The following SLC24A2 variants were observed in gnomAD, a reference collection of about 807,000 sequenced individuals.
SLC24A2 encodes the protein solute carrier family 24 member 2.
In SLC24A2, 36 loss-of-function variants were observed where a neutral mutation model predicts 62.0. That is an observed-to-expected ratio of 0.58 (90% CI 0.44 to 0.77). The LOEUF (loss-of-function observed/expected upper bound fraction) is 0.77, where lower values mean the gene tolerates loss of function less well. Among genes scored for constraint, SLC24A2 ranks in the 30% least tolerant of loss-of-function variants. SLC24A2 has a pLI of 0.00. For synonymous variants in SLC24A2, 358 were observed against 294.0 expected, an observed-to-expected ratio of 1.22 and a Z score of -2.23; for missense variants, 846 against 817.9, an observed-to-expected ratio of 1.03 and a Z score of -0.42.
At chr9:19,751,069 T>C (rs1821968362) in intron 2 of SLC24A2, among the ~76,000 whole-genome samples, 1 of 152,176 alleles carries the variant, frequency 6.6e-6, no homozygotes, top group Non-Finnish European at 1.5e-5. Context: ...CTGTGTTCGG[T>C]AACATGTTTG....
the SLC24A2 span, among the ~76,000 whole-genome samples, chr9:20,081,813 G>A: frequency 6.6e-6 from 1 of 151,994 alleles, no homozygotes; most frequent in Non-Finnish European, 1.5e-5. Context: ...ATTGGGTGGG[G>A]ATGGAAAGAG....
At position 19,624,538 on chromosome 9, in the gene SLC24A2, A is replaced by C. The variant is rs942910341; in HGVS notation, c.931-2239T>G. 2.0e-5 allele frequency among the ~76,000 whole-genome samples: 3 copies of C among 152,326 alleles called. No individual in the cohort carries two copies. The South Asian group carries it at 6.2e-4, about 32-fold the overall frequency. ...GCAAGGAGGATCATAAAACATAAAA[A>C]GTGGAAGGAAAATGCCTGTACATAG... On this transcript the variant is annotated intron_variant, in intron 2 of 10. Coordinates refer to ENST00000341998, the MANE Select transcript of SLC24A2 (RefSeq NM_020344.4).
chr9:19,757,623 T>G (rs902799375), intron 2 of SLC24A2, among the ~76,000 whole-genome samples: 4 of 152,324 alleles, frequency 2.6e-5, no homozygotes, highest in African/African-American at 9.6e-5. Flanking sequence ...GCCAGTGGAA[T>G]TTCCCAGTCT....
In SLC24A2 at chr9:19,618,227, C is replaced by A. The variant is rs550874408; in HGVS notation, c.1078+1357G>T. ...GTTGGGAGGAAGGAGTTAAAGCAGT[C>A]GGCCTGCAATCTCTTTACTCCCTTC... is the stretch of plus-strand genomic sequence containing the variant. On this transcript the variant is annotated intron_variant, in intron 4 of 10. Transcript: ENST00000341998. Among the ~76,000 whole-genome samples the A allele has an allele frequency of 2.0e-5, 3 of 152,272 alleles. No homozygotes were observed. In the South Asian group the frequency reaches 6.2e-4, roughly 32 times the overall value.
At chr9:20,234,199 T>A in the SLC24A2 span, among the ~76,000 whole-genome samples, 4 of 152,166 alleles carry the variant, frequency 2.6e-5, no homozygotes, top group African/African-American at 9.7e-5. Flanking sequence ...CTGACAATTA[T>A]GTGTCTTGGA....
chr9:20,178,466 G>A, the SLC24A2 span, among the ~76,000 whole-genome samples: 2 of 152,152 alleles, frequency 1.3e-5, no homozygotes, highest in Non-Finnish European at 2.9e-5. Flanking sequence ...ACTGACATCT[G>A]ATTTTAACTC....
At chr9:20,081,179 G>C in the SLC24A2 span, among the ~76,000 whole-genome samples, 23 of 152,082 alleles carry the variant, frequency 1.5e-4, no homozygotes, top group African/African-American at 4.1e-4. Context: ...ACATGCACAC[G>C]TATGTTTATT....
chr9:19,628,857 A>G (rs1025433386), intron 2 of SLC24A2, among the ~76,000 whole-genome samples: 2 of 152,216 alleles, frequency 1.3e-5, no homozygotes, highest in African/African-American at 4.8e-5. Context: ...GTTTTAAGAA[A>G]GTTTAAGAAT....
intron 3 of SLC24A2, among the ~76,000 whole-genome samples, chr9:19,621,967 G>A (rs1817918500): frequency 6.6e-6 from 1 of 152,056 alleles, no homozygotes; most frequent in Non-Finnish European, 1.5e-5. Context: ...AACATCCCTT[G>A]GAATGCAATT....
Position 19,781,543 on chromosome 9 carries a change from A to G in SLC24A2, c.930+4394T>C, listed in dbSNP as rs1277509958. Among the ~76,000 whole-genome samples the G allele has an allele frequency of 3.9e-5, 6 of 152,162 alleles. No homozygotes were observed. The East Asian group carries it at 1.2e-3, about 29-fold the overall frequency. On this transcript the variant is annotated intron_variant, in intron 2 of 10. Coordinates refer to ENST00000341998, the MANE Select transcript of SLC24A2 (RefSeq NM_020344.4). Reference sequence around the variant, plus strand: ...CCCTTCTGGGTCTCTCAAAATGCCTAGTTCACTCTCTGAATCACAAGCAGT... The same window carrying G: ...CCCTTCTGGGTCTCTCAAAATGCCTGGTTCACTCTCTGAATCACAAGCAGT...
chr9:19,610,989 C>T (rs987221450), intron 4 of SLC24A2, among the ~76,000 whole-genome samples: 5 of 152,190 alleles, frequency 3.3e-5, no homozygotes, highest in Admixed American at 6.5e-5. Context: ...CAAATACATA[C>T]GTTCACGGGG....
chr9:19,727,952 A>T, intron 2 of SLC24A2, among the ~76,000 whole-genome samples: 1 of 152,186 alleles, frequency 6.6e-6, no homozygotes, highest in East Asian at 1.9e-4. Context: ...AAAGCAGGTT[A>T]ACCCTGAGGA....
At chr9:19,867,625 T>C in the SLC24A2 span, among the ~76,000 whole-genome samples, 1 of 152,206 alleles carries the variant, frequency 6.6e-6, no homozygotes, top group Non-Finnish European at 1.5e-5. Flanking sequence ...AAAACAACTT[T>C]CAGGCCGGGC....
the SLC24A2 span, among the ~76,000 whole-genome samples, chr9:19,814,789 C>T: frequency 2.0e-5 from 3 of 152,118 alleles, no homozygotes; most frequent in East Asian, 1.9e-4. Flanking sequence ...AATTTAGCAG[C>T]AGGTTCCTGT....
chr9:19,614,099 C>T (rs1273006071), intron 4 of SLC24A2, among the ~76,000 whole-genome samples: 1 of 152,122 alleles, frequency 6.6e-6, no homozygotes, highest in Non-Finnish European at 1.5e-5. Context: ...ATCCAGCATC[C>T]TTGTTTTTAG....
At chr9:20,105,315 C>G in the SLC24A2 span, among the ~76,000 whole-genome samples, 1 of 152,136 alleles carries the variant, frequency 6.6e-6, no homozygotes, top group Admixed American at 6.5e-5. Flanking sequence ...CAAGGATACC[C>G]AGGAATCGAA....
At chr9:20,093,811 A>T in the SLC24A2 span, among the ~76,000 whole-genome samples, 3 of 152,198 alleles carry the variant, frequency 2.0e-5, no homozygotes, top group African/African-American at 7.2e-5. Context: ...AAAATCATTA[A>T]AAGTGTATAA....
the SLC24A2 span, among the ~76,000 whole-genome samples, chr9:20,002,860 T>C: frequency 2.0e-5 from 3 of 152,340 alleles, no homozygotes; most frequent in East Asian, 3.9e-4. Flanking sequence ...GGGTTTTTCT[T>C]AGCTGTAGCC....
the SLC24A2 span, among the ~76,000 whole-genome samples, chr9:20,237,014 G>C: frequency 6.6e-6 from 1 of 152,022 alleles, no homozygotes; most frequent in Non-Finnish European, 1.5e-5. Flanking sequence ...AGCCAGGTGT[G>C]TCTCACACTG....
Sources: allele counts gnomAD v4.1 joint callset (sites outside exome capture counted in the v4.1 genomes callset), GRCh38; gene constraint gnomAD v4.1.1; transcripts MANE v1.5; gene names NCBI Gene and HGNC (gene_info 2026-07-23, HGNC 2026-07-21).